KLHDC1: variants seen among roughly 807,000 people sequenced by gnomAD.
KLHDC1 encodes the protein kelch domain-containing protein 1.
Under a neutral mutation model 68.3 loss-of-function variants are expected in KLHDC1, and 53 were observed. The ratio of observed to expected loss-of-function variants is 0.78; its 90% CI spans 0.62 to 0.98. KLHDC1 has a LOEUF of 0.98. Ranked by LOEUF, KLHDC1 falls within the 50% of genes least tolerant of loss-of-function variation. The pLI is 0.00. For synonymous variants in KLHDC1, 148 were observed against 159.0 expected, an observed-to-expected ratio of 0.93 and a Z score of 0.52; for missense variants, 470 against 492.3, an observed-to-expected ratio of 0.95 and a Z score of 0.43.
Position 49,751,716 on chromosome 14 carries a change from CAA to C in KLHDC1, c.1167_1168del (p.Arg390SerfsTer9). ...FWAAANHREE[Q>X]RVQKEETENK... ...GGCTGCAGCTAATCACCGAGAAGAA[CAA>C]AGAGTCCAAAAAGAAGAAACAGAAA... On this transcript the variant is annotated frameshift_variant, in exon 13 of 13. Coordinates refer to ENST00000359332, the MANE Select transcript of KLHDC1 (RefSeq NM_172193.3). LOFTEE classifies it high-confidence loss of function. 4 of 1,601,320 alleles carry C rather than the reference CAA, an allele frequency of 2.5e-6. No individual in the cohort carries two copies. Among genetic ancestry groups the C allele is most frequent in the South Asian group, 1.1e-5 (1 of 89,444 alleles).
At chr14:49,746,702 A>G (rs1026773729) in intron 12 of KLHDC1, among the ~76,000 whole-genome samples, 18 of 152,058 alleles carry the variant, frequency 1.2e-4, no homozygotes, top group African/African-American at 3.9e-4. Context: ...TCCCCCAGTC[A>G]CTGAGGACTT....
chr14:49,712,154 G>A (rs772572841), intron 4 of KLHDC1, among the ~76,000 whole-genome samples: 16 of 151,806 alleles, frequency 1.1e-4, no homozygotes, highest in Non-Finnish European at 1.6e-4. Context: ...TCCTGACCTC[G>A]TGATCCACCC....
At chr14:49,734,132 T>C (rs1431338412) in intron 9 of KLHDC1, among the ~76,000 whole-genome samples, 2 of 152,218 alleles carry the variant, frequency 1.3e-5, no homozygotes, top group Non-Finnish European at 2.9e-5. Context: ...TCCTAACTCA[T>C]AAGCTAGTCA....
intron 12 of KLHDC1, 93 bp from the exon 13 acceptor site, chr14:49,751,493 A>G (rs1402770048): frequency 1.7e-6 from 1 of 594,684 alleles, no homozygotes; most frequent in African/African-American, 1.9e-5. Flanking sequence ...GTCCAATACT[A>G]CAATGTTAAA....
intron 10 of KLHDC1, among the ~76,000 whole-genome samples, chr14:49,737,647 T>C (rs978413839): frequency 1.3e-5 from 2 of 151,588 alleles, no homozygotes; most frequent in Non-Finnish European, 2.9e-5. Context: ...AGAGGATTGC[T>C]TAAGCCCAGG....
intron 1 of KLHDC1, 26 bp downstream of exon 1, chr14:49,693,316 A>G (rs1464214154): frequency 5.6e-6 from 8 of 1,434,020 alleles, no homozygotes; most frequent in Non-Finnish European, 7.4e-6. Flanking sequence ...GGGACGGGGT[A>G]GACTCGCGCC....
intron 1 of KLHDC1, among the ~76,000 whole-genome samples, chr14:49,702,519 ATT>A (rs1887936690): frequency 6.6e-6 from 1 of 152,234 alleles, no homozygotes; most frequent in Non-Finnish European, 1.5e-5. Context: ...GACATTTATC[ATT>A]CTTTTTAAAT....
chr14:49,747,745 G>A (rs1021846564), intron 12 of KLHDC1, among the ~76,000 whole-genome samples: 4 of 152,116 alleles, frequency 2.6e-5, no homozygotes, highest in East Asian at 1.9e-4. Context: ...GTCTGTCTGC[G>A]GGATATATAA....
intron 8 of KLHDC1, among the ~76,000 whole-genome samples, chr14:49,731,798 G>A (rs2139759083): frequency 6.6e-6 from 1 of 152,176 alleles, no homozygotes; most frequent in East Asian, 1.9e-4. Flanking sequence ...TCCTGCCTTG[G>A]CGTCCCAAAG....
At chr14:49,726,817 T>C (rs1478533554) in intron 6 of KLHDC1, among the ~76,000 whole-genome samples, 2 of 152,262 alleles carry the variant, frequency 1.3e-5, no homozygotes, top group Non-Finnish European at 2.9e-5. Context: ...TCTTTCTGTC[T>C]GCTTTTCTCT....
chr14:49,727,482 A>G (rs746889168), intron 6 of KLHDC1, among the ~76,000 whole-genome samples: 4 of 152,206 alleles, frequency 2.6e-5, no homozygotes, highest in African/African-American at 4.8e-5. Context: ...ATACACATAT[A>G]TGACCAGAAT....
At position 49,751,738 on chromosome 14, in the gene KLHDC1, C is replaced by T; in HGVS notation, c.1187C>T (p.Thr396Ile). ...REEQRVQKEE[T>I]ENKYQWISSN is the part of the protein sequence containing the mutation. ...GAACAAAGAGTCCAAAAAGAAGAAA[C>T]AGAAAATAAATATCAGTGGATCAGT... is the stretch of plus-strand genomic sequence containing the variant. The change falls in exon 13 of 13, where the codon ACA (threonine) becomes ATA (isoleucine). Residue 396 changes from threonine (T) to isoleucine (I), a missense_variant. Physicochemically the swap from Thr to Ile is moderately conservative, Grantham distance 89. Coordinates refer to ENST00000359332, the MANE Select transcript of KLHDC1 (RefSeq NM_172193.3). The T allele has an allele frequency of 6.3e-7, 1 of 1,587,756 alleles. No individual in the cohort carries two copies. The highest frequency in any genetic ancestry group is 8.6e-7 in the Non-Finnish European group (1 of 1,165,670).
chr14:49,703,594 C>T (rs1447494114), intron 1 of KLHDC1, among the ~76,000 whole-genome samples: 2 of 152,202 alleles, frequency 1.3e-5, no homozygotes, highest in Non-Finnish European at 2.9e-5. Context: ...CCACCCACCT[C>T]AGCCTCCCAA....
chr14:49,713,825 TATATATATATATATA>T (rs1566602825), intron 4 of KLHDC1, among the ~76,000 whole-genome samples: 125 of 3,530 alleles, frequency 0.035, 16 homozygotes, highest in African/African-American at 0.054. Flanking sequence ...TATATATATA[TATATATATATATATA>T]TATATATATA....
intron 10 of KLHDC1, among the ~76,000 whole-genome samples, chr14:49,734,887 A>T (rs1010737608): frequency 1.3e-5 from 2 of 152,124 alleles, no homozygotes; most frequent in Non-Finnish European, 2.9e-5. Context: ...TGAAAATGTT[A>T]TTCTTTTAGG....
chr14:49,706,383 T>C (rs74829456), intron 1 of KLHDC1, among the ~76,000 whole-genome samples: 5 of 152,196 alleles, frequency 3.3e-5, no homozygotes, highest in African/African-American at 1.2e-4. Flanking sequence ...CATTCATGTG[T>C]TGATGGACAC....
At chr14:49,698,628 G>T (rs1168333663) in intron 1 of KLHDC1, among the ~76,000 whole-genome samples, 6 of 151,848 alleles carry the variant, frequency 4.0e-5, no homozygotes, top group African/African-American at 1.4e-4. Context: ...CGATTCTCCT[G>T]CCTCAGCCTC....
At chr14:49,699,346 G>A (rs1449480571) in intron 1 of KLHDC1, among the ~76,000 whole-genome samples, 1 of 150,100 alleles carries the variant, frequency 6.7e-6, no homozygotes, top group Non-Finnish European at 1.5e-5. Flanking sequence ...CAGCAGTCAA[G>A]AAGTGTCTAA....
At position 49,693,133 on chromosome 14, in the gene KLHDC1, G is replaced by A; in HGVS notation, c.-62G>A. On this transcript the variant is annotated 5_prime_UTR_variant, in exon 1 of 13. Coordinates refer to ENST00000359332, the MANE Select transcript of KLHDC1 (RefSeq NM_172193.3). ...CGTGCGTGGAGCAGTCGGGGCTGGA[G>A]GCGAGGCCGCCGGGCGGGCAGGGGT... 5 of 1,448,656 alleles carry A rather than the reference G, an allele frequency of 3.5e-6. 1 individual carries two copies. The highest frequency in any genetic ancestry group is 1.2e-5 in the South Asian group (1 of 80,680). The allele number at this position is 1,448,656 out of a possible 1,614,324, so 89.7% of individuals were successfully genotyped here. A position where few individuals can be genotyped will look rare whatever the true frequency, so the allele number is the denominator to read the frequency against.
Sources: allele counts gnomAD v4.1 joint callset (sites outside exome capture counted in the v4.1 genomes callset), GRCh38; gene constraint gnomAD v4.1.1; transcripts MANE v1.5; gene names NCBI Gene and HGNC (gene_info 2026-07-23, HGNC 2026-07-21).